PPP3CA: variants seen among roughly 807,000 people sequenced by gnomAD.
PPP3CA encodes CAM-PRP catalytic subunit.
In PPP3CA, 14 loss-of-function variants were observed where a neutral mutation model predicts 66.5. The observed-to-expected ratio is 0.21, with a 90% CI of 0.14 to 0.33. The LOEUF is 0.33. Among genes scored for constraint, PPP3CA ranks in the 10% least tolerant of loss-of-function variants. PPP3CA has a pLI of 1.00. For missense variants in PPP3CA, 317 were observed against 639.5 expected (o/e 0.50, Z 5.44); for synonymous variants, 232 against 226.2 (o/e 1.03, Z -0.23).
chr4:101,177,413 C>T (rs956470139), intron 2 of PPP3CA, among the ~76,000 whole-genome samples: 4 of 152,116 alleles, frequency 2.6e-5, no homozygotes, highest in Non-Finnish European at 4.4e-5. Flanking sequence ...GGCACAATCT[C>T]TCGGGATTCC....
At chr4:101,186,433 T>C (rs1724410999) in intron 2 of PPP3CA, among the ~76,000 whole-genome samples, 1 of 152,164 alleles carries the variant, frequency 6.6e-6, no homozygotes, top group African/African-American at 2.4e-5. Context: ...AATGAAAATG[T>C]ATTTACATCC....
chr4:101,192,200 G>C (rs1724629079), intron 2 of PPP3CA, among the ~76,000 whole-genome samples: 1 of 152,106 alleles, frequency 6.6e-6, no homozygotes. Flanking sequence ...AAACTAATCA[G>C]ATGTTTTAAA....
intron 2 of PPP3CA, among the ~76,000 whole-genome samples, chr4:101,115,976 G>A (rs1464607992): frequency 6.6e-6 from 1 of 151,964 alleles, no homozygotes; most frequent in Non-Finnish European, 1.5e-5. Flanking sequence ...ATGAAAACTA[G>A]ATTTTTAATG....
Position 101,278,122 on chromosome 4 carries a change from T to TAAAAAAAAAA in PPP3CA, c.58+68607_58+68616dup, listed in dbSNP as rs3077992. Among the ~76,000 whole-genome samples the TAAAAAAAAAA allele has an allele frequency of 5.3e-4, 59 of 112,124 alleles. 1 individual carries two copies. Among genetic ancestry groups the TAAAAAAAAAA allele is most frequent in the African/African-American group, 1.6e-3 (36 of 22,656 alleles). The allele number at this position is 112,124 out of a possible 152,430, so 73.6% of individuals were successfully genotyped here. A position where few individuals can be genotyped will look rare whatever the true frequency, so the allele number is the denominator to read the frequency against. On this transcript the variant is annotated intron_variant, in intron 1 of 13. Transcript: ENST00000394854. ...AAAATGAAACTTTAAAAGCTATTAG[T>TAAAAAAAAAA]AAAAAAAAAAAAAAAAATAAAAAAA... is the stretch of plus-strand genomic sequence containing the variant.
chr4:101,111,480 C>T (rs1454758002), intron 2 of PPP3CA, among the ~76,000 whole-genome samples: 3 of 152,094 alleles, frequency 2.0e-5, no homozygotes. Context: ...AAGTGAGGGG[C>T]TAAGACATAG....
chr4:101,339,404 G>A (rs2110340560), intron 1 of PPP3CA, among the ~76,000 whole-genome samples: 1 of 152,316 alleles, frequency 6.6e-6, no homozygotes, highest in East Asian at 1.9e-4. Flanking sequence ...AAAGACAGCT[G>A]TCAGGTTCAA....
intron 2 of PPP3CA, among the ~76,000 whole-genome samples, chr4:101,194,125 A>T (rs890525871): frequency 6.6e-6 from 1 of 152,178 alleles, no homozygotes; most frequent in Admixed American, 6.5e-5. Context: ...ATATTGGGTT[A>T]ATGTTCCTCG....
intron 1 of PPP3CA, among the ~76,000 whole-genome samples, chr4:101,259,377 G>A (rs1294531022): frequency 6.6e-6 from 1 of 150,916 alleles, no homozygotes; most frequent in African/African-American, 2.4e-5. Flanking sequence ...CATCCACAAT[G>A]AGCCTGGATG....
At chr4:101,124,559 G>T (rs1578470853) in intron 2 of PPP3CA, among the ~76,000 whole-genome samples, 1 of 151,044 alleles carries the variant, frequency 6.6e-6, no homozygotes, top group Non-Finnish European at 1.5e-5. Context: ...CAGTGAGCCG[G>T]GATCGTGCCA....
At chr4:101,078,960 C>G (rs1161952195) in intron 8 of PPP3CA, among the ~76,000 whole-genome samples, 1 of 152,176 alleles carries the variant, frequency 6.6e-6, no homozygotes, top group African/African-American at 2.4e-5. Context: ...CCTTTCTTCC[C>G]CATGGTTACA....
At chr4:101,257,229 A>T (rs1022258392) in intron 1 of PPP3CA, among the ~76,000 whole-genome samples, 1 of 151,996 alleles carries the variant, frequency 6.6e-6, no homozygotes, top group Non-Finnish European at 1.5e-5. Flanking sequence ...TAAGGATAAG[A>T]TATATTAAAG....
At chr4:101,273,420 G>A (rs748146980) in intron 1 of PPP3CA, among the ~76,000 whole-genome samples, 9 of 152,014 alleles carry the variant, frequency 5.9e-5, no homozygotes, top group Non-Finnish European at 8.8e-5. Flanking sequence ...TCTGCCTCCC[G>A]GGTTCAAGCT....
intron 8 of PPP3CA, among the ~76,000 whole-genome samples, chr4:101,070,822 G>T (rs1012000992): frequency 6.6e-6 from 1 of 152,222 alleles, no homozygotes; most frequent in East Asian, 1.9e-4. Flanking sequence ...ATTGATCTTT[G>T]TATGTAGCTC....
chr4:101,256,092 T>C (rs1726831924), intron 1 of PPP3CA, among the ~76,000 whole-genome samples: 1 of 151,984 alleles, frequency 6.6e-6, no homozygotes, highest in African/African-American at 2.4e-5. Flanking sequence ...TGATGTTCTA[T>C]TCACCACTCT....
intron 2 of PPP3CA, among the ~76,000 whole-genome samples, chr4:101,154,185 C>T (rs1723234399): frequency 6.6e-6 from 1 of 152,146 alleles, no homozygotes; most frequent in South Asian, 2.1e-4. Flanking sequence ...TAAATTACTT[C>T]TTGGCCAGAA....
chr4:101,303,862 G>GT (rs1728455295), intron 1 of PPP3CA, among the ~76,000 whole-genome samples: 1 of 152,090 alleles, frequency 6.6e-6, no homozygotes, highest in Non-Finnish European at 1.5e-5. Context: ...ACATCTTACT[G>GT]TTTTTGTTTG....
intron 1 of PPP3CA, among the ~76,000 whole-genome samples, chr4:101,214,000 C>A (rs763320350): frequency 4.6e-5 from 7 of 152,180 alleles, no homozygotes; most frequent in Non-Finnish European, 8.8e-5. Flanking sequence ...CTTCCCCCCA[C>A]TTTCAAACCT....
chr4:101,346,000 C>G (rs144793981), intron 1 of PPP3CA, among the ~76,000 whole-genome samples: 1 of 152,136 alleles, frequency 6.6e-6, no homozygotes, highest in African/African-American at 2.4e-5. Context: ...TGTCTCTCCC[C>G]GGGGCGTGCG....
intron 8 of PPP3CA, among the ~76,000 whole-genome samples, chr4:101,079,937 A>G (rs906516954): frequency 6.6e-6 from 1 of 152,210 alleles, no homozygotes; most frequent in Non-Finnish European, 1.5e-5. Flanking sequence ...TTACTTCCTA[A>G]TTAAGTGACC....
Sources: gnomAD v4.1 joint callset for allele counts (sites outside exome capture counted in the v4.1 genomes callset) on GRCh38, gnomAD v4.1.1 for gene constraint, MANE v1.5 for transcripts, NCBI Gene and HGNC (gene_info 2026-07-23, HGNC 2026-07-21) for gene names.